Variants in PTPRK observed in about 807,000 individuals in gnomAD.
PTPRK encodes protein tyrosine phosphatase receptor type K.
Under a neutral mutation model 178.0 loss-of-function variants are expected in PTPRK, and 75 were observed. The observed-to-expected ratio is 0.42, with a 90% CI of 0.35 to 0.51. PTPRK has a LOEUF of 0.51. Ranked by LOEUF, PTPRK falls within the 20% of genes least tolerant of loss-of-function variation. The pLI, the probability that PTPRK is intolerant of heterozygous loss-of-function variation, is 0.02. For missense variants in PTPRK, 1,441 were observed against 1,797.8 expected, an observed-to-expected ratio of 0.80 and a Z score of 3.59; for synonymous variants, 637 against 620.6, an observed-to-expected ratio of 1.03 and a Z score of -0.39.
At chr6:127,971,062 A>G (rs1014025401) in intron 29 of PTPRK, among the ~76,000 whole-genome samples, 1 of 152,190 alleles carries the variant, frequency 6.6e-6, no homozygotes, top group Non-Finnish European at 1.5e-5. Flanking sequence ...AAATTTTTCA[A>G]GAATGGTTAG....
intron 1 of PTPRK, among the ~76,000 whole-genome samples, chr6:128,462,369 C>T (rs1489512716): frequency 6.6e-6 from 1 of 151,948 alleles, no homozygotes; most frequent in Non-Finnish European, 1.5e-5. Flanking sequence ...TCCAATATAG[C>T]CAAAATATTA....
At chr6:128,167,956 A>C (rs1799657401) in intron 7 of PTPRK, among the ~76,000 whole-genome samples, 1 of 152,102 alleles carries the variant, frequency 6.6e-6, no homozygotes, top group Non-Finnish European at 1.5e-5. Flanking sequence ...TTTAAATAAA[A>C]ATTTAACTGA....
chr6:128,048,058 AT>A (rs1247848226), intron 13 of PTPRK, among the ~76,000 whole-genome samples: 1 of 152,132 alleles, frequency 6.6e-6, no homozygotes, highest in Non-Finnish European at 1.5e-5. Context: ...GAAGGAAAAC[AT>A]TTCTTTGAAG....
intron 1 of PTPRK, among the ~76,000 whole-genome samples, chr6:128,455,049 T>C (rs1848228753): frequency 6.6e-6 from 1 of 152,170 alleles, no homozygotes; most frequent in Non-Finnish European, 1.5e-5. Flanking sequence ...ATTAATAGCA[T>C]ATAAAACAAA....
intron 6 of PTPRK, among the ~76,000 whole-genome samples, chr6:128,217,966 G>A (rs1385047328): frequency 1.3e-5 from 2 of 152,104 alleles, no homozygotes; most frequent in Non-Finnish European, 2.9e-5. Context: ...CTACTCAACG[G>A]AGCTGCTTTA....
Position 128,144,013 on chromosome 6 carries a change from C to T in PTPRK, c.1162+40419G>A, listed in dbSNP as rs566567784. Among the ~76,000 whole-genome samples the T allele has an allele frequency of 3.3e-5, 5 of 152,216 alleles. No individual in the cohort carries two copies. In the South Asian group the frequency reaches 1.0e-3, roughly 32 times the overall value. Reference sequence around the variant, plus strand: ...AACTATTTACTCTATTTTATATCTCCTCTCTTAATTACTTTTCATCCCATT... The same window carrying T: ...AACTATTTACTCTATTTTATATCTCTTCTCTTAATTACTTTTCATCCCATT... On this transcript the variant is annotated intron_variant, in intron 7 of 29. Transcript: ENST00000368226.
chr6:128,331,806 C>T (rs1232670852), intron 2 of PTPRK, among the ~76,000 whole-genome samples: 1 of 152,098 alleles, frequency 6.6e-6, no homozygotes, highest in Non-Finnish European at 1.5e-5. Flanking sequence ...GAGTCTACTT[C>T]CAACAACTTT....
intron 2 of PTPRK, among the ~76,000 whole-genome samples, chr6:128,359,199 C>T (rs1350034615): frequency 3.3e-5 from 5 of 151,822 alleles, no homozygotes; most frequent in Admixed American, 2.6e-4. Flanking sequence ...GCCTGTAATC[C>T]CAGCACTTTG....
At chr6:128,493,591 T>TACACACACACACACACAC (rs59656384) in intron 1 of PTPRK, among the ~76,000 whole-genome samples, 2 of 124,032 alleles carry the variant, frequency 1.6e-5, no homozygotes, top group African/African-American at 6.2e-5. Context: ...TCCCGCCCCC[T>TACACACACACACACACAC]ACACACACAC....
At chr6:127,981,711 A>G (rs534251306) in intron 24 of PTPRK, among the ~76,000 whole-genome samples, 11 of 152,278 alleles carry the variant, frequency 7.2e-5, no homozygotes, top group Non-Finnish European at 1.5e-4. Context: ...CAATCAAAGA[A>G]TTTGGTCTCT....
chr6:128,462,617 T>C (rs1284939551), intron 1 of PTPRK, among the ~76,000 whole-genome samples: 1 of 148,374 alleles, frequency 6.7e-6, no homozygotes, highest in Non-Finnish European at 1.5e-5. Flanking sequence ...GGGAAAAAAG[T>C]AGGTATATTT....
chr6:128,306,593 A>G (rs1451178037), intron 3 of PTPRK, among the ~76,000 whole-genome samples: 1 of 152,198 alleles, frequency 6.6e-6, no homozygotes, highest in South Asian at 2.1e-4. Flanking sequence ...CAGGAGTTCA[A>G]GGCTAGCTTG....
At chr6:128,121,174 T>G (rs1414406593) in intron 7 of PTPRK, among the ~76,000 whole-genome samples, 3 of 151,876 alleles carry the variant, frequency 2.0e-5, no homozygotes, top group African/African-American at 7.2e-5. Flanking sequence ...AAAATAAAGG[T>G]AAAATAAATT....
intron 1 of PTPRK, among the ~76,000 whole-genome samples, chr6:128,479,770 T>TTGAATTTTAC (rs1268665579): frequency 1.3e-5 from 2 of 152,136 alleles, no homozygotes; most frequent in African/African-American, 4.8e-5. Context: ...ATTAAGTGTC[T>TTGAATTTTAC]TGAATTTTAC....
At chr6:128,416,918 G>A (rs1397962270) in intron 1 of PTPRK, among the ~76,000 whole-genome samples, 1 of 149,526 alleles carries the variant, frequency 6.7e-6, no homozygotes, top group Non-Finnish European at 1.5e-5. Context: ...TGTTGGTGTT[G>A]TGCTATACAC....
At chr6:128,158,820 A>C (rs766507290) in intron 7 of PTPRK, among the ~76,000 whole-genome samples, 1 of 151,914 alleles carries the variant, frequency 6.6e-6, no homozygotes, top group Non-Finnish European at 1.5e-5. Flanking sequence ...CTTTTTAAAA[A>C]ATCTTCATTT....
intron 7 of PTPRK, among the ~76,000 whole-genome samples, chr6:128,134,297 C>T (rs1176179725): frequency 1.3e-5 from 2 of 152,138 alleles, no homozygotes; most frequent in Non-Finnish European, 1.5e-5. Context: ...TTTTTGAATT[C>T]TACTGATGAT....
rs1350924694 is a variant in PTPRK at position 128,257,054 on chromosome 6, A to C, written c.496-14452T>G. ...GAGACCAGACTGACCAACAAGGAGA[A>C]ACCCCGTCTCTACTAAAAATACAAA... On this transcript the variant is annotated intron_variant, in intron 3 of 29. Transcript: ENST00000368226. Among the ~76,000 whole-genome samples the C allele has an allele frequency of 3.3e-5, 5 of 151,678 alleles. No homozygotes were observed. The East Asian group carries it at 9.9e-4, about 30-fold the overall frequency.
intron 24 of PTPRK, among the ~76,000 whole-genome samples, 180 bp downstream of exon 24, chr6:127,982,651 G>C (rs906327399): frequency 3.9e-5 from 6 of 152,042 alleles, no homozygotes; most frequent in African/African-American, 1.4e-4. Context: ...GGATATAGTA[G>C]ATATAAATTC....
Sources: allele counts gnomAD v4.1 joint callset (sites outside exome capture counted in the v4.1 genomes callset), GRCh38; gene constraint gnomAD v4.1.1; transcripts MANE v1.5; gene names NCBI Gene and HGNC (gene_info 2026-07-23, HGNC 2026-07-21).